The following TAFA1 variants were observed in gnomAD, a reference collection of about 807,000 sequenced individuals.
The protein encoded by TAFA1 is TAFA chemokine like family member 1.
In TAFA1, 4 loss-of-function variants were observed where a neutral mutation model predicts 18.5. The ratio of observed to expected loss-of-function variants is 0.22; its 90% CI spans 0.11 to 0.49. The LOEUF (loss-of-function observed/expected upper bound fraction) is 0.49, where lower values mean the gene tolerates loss of function less well. Among genes scored for constraint, TAFA1 ranks in the 20% least tolerant of loss-of-function variants. The pLI, the probability that TAFA1 is intolerant of heterozygous loss-of-function variation, is 0.98. For synonymous variants in TAFA1, 56 were observed against 55.2 expected (o/e 1.01, Z -0.06); for missense variants, 147 against 169.0 (o/e 0.87, Z 0.72).
chr3:68,338,242 C>T (rs970515094), intron 2 of TAFA1, among the ~76,000 whole-genome samples: 8 of 152,106 alleles, frequency 5.3e-5, no homozygotes, highest in Admixed American at 1.3e-4. Flanking sequence ...CAGTGCTTAT[C>T]GGTGTTCAAA....
chr3:68,283,171 C>T (rs1258940174), intron 2 of TAFA1, among the ~76,000 whole-genome samples: 1 of 152,128 alleles, frequency 6.6e-6, no homozygotes. Context: ...AATAAGTAAA[C>T]CCTGCACACA....
At chr3:68,418,862 A>T (rs558626474) in intron 3 of TAFA1, among the ~76,000 whole-genome samples, 394 of 152,284 alleles carry the variant, frequency 2.6e-3, no homozygotes, top group Middle Eastern at 6.8e-3. Context: ...CTCTATTGTG[A>T]TATAACAAAT....
intron 3 of TAFA1, among the ~76,000 whole-genome samples, chr3:68,529,609 G>A (rs1041833695): frequency 2.0e-5 from 3 of 152,146 alleles, no homozygotes; most frequent in Non-Finnish European, 2.9e-5. Context: ...TCTGCTGGCT[G>A]GAAGACTGGG....
At chr3:68,061,136 T>C (rs573129317) in intron 2 of TAFA1, among the ~76,000 whole-genome samples, 1 of 152,314 alleles carries the variant, frequency 6.6e-6, no homozygotes, top group East Asian at 1.9e-4. Flanking sequence ...ACTGTGAAAC[T>C]TCCCCGTGGA....
chr3:68,061,922 A>T (rs1428646205), intron 2 of TAFA1, among the ~76,000 whole-genome samples: 1 of 151,880 alleles, frequency 6.6e-6, no homozygotes, highest in Admixed American at 6.6e-5. Flanking sequence ...TCAAAGAGAA[A>T]TTTTTCTTTT....
chr3:68,524,271 A>G (rs2073072255), intron 3 of TAFA1, among the ~76,000 whole-genome samples: 1 of 152,130 alleles, frequency 6.6e-6, no homozygotes, highest in Admixed American at 6.5e-5. Flanking sequence ...TCTAAAGAGC[A>G]GTAAGCCCCA....
At chr3:68,021,185 CAAAA>C (rs10610707) in intron 2 of TAFA1, among the ~76,000 whole-genome samples, 1,716 of 55,980 alleles carry the variant, frequency 0.031, 46 homozygotes, top group African/African-American at 0.11. Context: ...GACCCTGTCT[CAAAA>C]AAAAAAAAAA....
chr3:68,172,770 AG>A (rs1010934432), intron 2 of TAFA1, among the ~76,000 whole-genome samples: 20 of 152,150 alleles, frequency 1.3e-4, no homozygotes, highest in African/African-American at 4.3e-4. Context: ...CAGTCACCAA[AG>A]GGCGCATAAT....
intron 3 of TAFA1, among the ~76,000 whole-genome samples, chr3:68,468,016 T>C (rs994986166): frequency 2.6e-5 from 4 of 152,202 alleles, no homozygotes; most frequent in African/African-American, 9.6e-5. Context: ...CCATGTACTT[T>C]ACTGTGATGT....
chr3:68,145,938 G>T (rs190271816), intron 2 of TAFA1, among the ~76,000 whole-genome samples: 1 of 152,168 alleles, frequency 6.6e-6, no homozygotes, highest in East Asian at 1.9e-4. Flanking sequence ...TACACAACCC[G>T]GGGGACATGG....
At chr3:68,256,742 G>A (rs10440086) in intron 2 of TAFA1, among the ~76,000 whole-genome samples, 73,798 of 151,864 alleles carry the variant, frequency 0.49, 19,262 homozygotes, top group African/African-American at 0.68. Context: ...ATATAAATCA[G>A]TCAGGTAATT....
intron 2 of TAFA1, among the ~76,000 whole-genome samples, chr3:68,046,251 T>G (rs1458593782): frequency 1.3e-5 from 2 of 152,198 alleles, no homozygotes; most frequent in Non-Finnish European, 2.9e-5. Context: ...CTAGATGATT[T>G]TTTTTGTATT....
chr3:68,304,166 A>C (rs1229008629), intron 2 of TAFA1, among the ~76,000 whole-genome samples: 1 of 152,234 alleles, frequency 6.6e-6, no homozygotes. Flanking sequence ...ATATTAAAAT[A>C]GAAAATACAC....
intron 2 of TAFA1, among the ~76,000 whole-genome samples, chr3:68,353,679 G>T (rs754069635): frequency 6.6e-6 from 1 of 152,000 alleles, no homozygotes; most frequent in East Asian, 1.9e-4. Context: ...CGAGCCTGAG[G>T]CAGACAGCAG....
intron 2 of TAFA1, among the ~76,000 whole-genome samples, chr3:68,099,449 A>G (rs373221311): frequency 6.6e-6 from 1 of 152,202 alleles, no homozygotes; most frequent in Non-Finnish European, 1.5e-5. Context: ...CAAAATCACA[A>G]TAAGCTACCA....
chr3:68,497,118 T>C (rs989171558), intron 3 of TAFA1, among the ~76,000 whole-genome samples: 4 of 152,296 alleles, frequency 2.6e-5, no homozygotes, highest in African/African-American at 9.6e-5. Flanking sequence ...TAATACCACC[T>C]TTTTTCTGAT....
intron 2 of TAFA1, among the ~76,000 whole-genome samples, chr3:68,076,960 C>G (rs1460584732): frequency 6.6e-6 from 1 of 152,172 alleles, no homozygotes; most frequent in South Asian, 2.1e-4. Context: ...CACATCCTCT[C>G]CAGCACCTGT....
At chr3:68,432,518 T>A (rs1277517059) in intron 3 of TAFA1, among the ~76,000 whole-genome samples, 2 of 152,042 alleles carry the variant, frequency 1.3e-5, no homozygotes, top group Non-Finnish European at 2.9e-5. Context: ...TGCCTTTGCT[T>A]GTGCACCTTT....
intron 2 of TAFA1, among the ~76,000 whole-genome samples, chr3:68,202,359 A>G (rs1030677912): frequency 6.6e-6 from 1 of 151,424 alleles, no homozygotes; most frequent in Non-Finnish European, 1.5e-5. Flanking sequence ...GCTCAAAGTG[A>G]TTGTTGGTAT....
Sources: allele counts gnomAD v4.1 joint callset (sites outside exome capture counted in the v4.1 genomes callset), GRCh38; gene constraint gnomAD v4.1.1; transcripts MANE v1.5; gene names NCBI Gene and HGNC (gene_info 2026-07-23, HGNC 2026-07-21).